Variants in JMJD1C observed in about 807,000 individuals in gnomAD.
The protein encoded by JMJD1C is jumonji domain-containing protein 1C.
A neutral mutation model predicts 245.3 loss-of-function variants in JMJD1C; 31 were observed. The observed-to-expected ratio is 0.13, with a 90% CI of 0.09 to 0.17. The LOEUF (loss-of-function observed/expected upper bound fraction) is 0.17. Ranked by LOEUF, JMJD1C falls within the 10% of genes least tolerant of loss-of-function variation. The pLI is 1.00. For missense variants in JMJD1C, 2,691 were observed against 3,000.2 expected (o/e 0.90, Z 2.41); for synonymous variants, 1,057 against 1,017.4 (o/e 1.04, Z -0.74).
chr10:63,224,545 T>C (rs1186332816), intron 3 of JMJD1C, among the ~76,000 whole-genome samples: 1 of 152,296 alleles, frequency 6.6e-6, no homozygotes, highest in East Asian at 1.9e-4. Context: ...TATTAAAGGT[T>C]AAATGAGCAA....
At chr10:63,443,316 C>T (rs1052308182) in intron 1 of JMJD1C, among the ~76,000 whole-genome samples, 5 of 151,930 alleles carry the variant, frequency 3.3e-5, no homozygotes, top group Admixed American at 2.0e-4. Flanking sequence ...TTTTGTTTTG[C>T]TTTTTCTTCT....
intron 3 of JMJD1C, among the ~76,000 whole-genome samples, chr10:63,244,229 G>A (rs1316095803): frequency 3.3e-5 from 5 of 152,078 alleles, no homozygotes; most frequent in Non-Finnish European, 5.9e-5. Flanking sequence ...ACAGGTACCC[G>A]AGGCACAAAC....
chr10:63,243,103 T>TTATATATATATATATATATATATATATA lies in JMJD1C; in HGVS notation c.447+21547_447+21548insTATATATATATATATATATATATATATA, dbSNP rs10607355. Among the ~76,000 whole-genome samples the TTATATATATATATATATATATATATATA allele has an allele frequency of 3.9e-3, 467 of 119,628 alleles. 2 individuals are homozygous for TTATATATATATATATATATATATATATA. The highest frequency in any genetic ancestry group is 5.8e-3 in the Non-Finnish European group (326 of 55,912). 78.5% of individuals were successfully genotyped at this position (119,628 alleles called of 152,430 possible). On this transcript the variant is annotated intron_variant, in intron 3 of 25. Coordinates refer to ENST00000399262, the MANE Select transcript of JMJD1C (RefSeq NM_032776.3). ...AAGAGCCAAAATACACTAACATAAA[T>TTATATATATATATATATATATATATATA]TATATATATATATATATATATAAAT... is the stretch of plus-strand genomic sequence containing the variant.
At chr10:63,476,158 C>T (rs539422648) in intron 1 of JMJD1C, among the ~76,000 whole-genome samples, 3 of 151,124 alleles carry the variant, frequency 2.0e-5, no homozygotes, top group African/African-American at 4.9e-5. Flanking sequence ...TGCAGTGAGC[C>T]GAGATTGCAC....
intron 1 of JMJD1C, among the ~76,000 whole-genome samples, chr10:63,439,958 T>A (rs918384861): frequency 4.6e-5 from 7 of 152,204 alleles, no homozygotes; most frequent in Non-Finnish European, 1.0e-4. Context: ...GATACAATGA[T>A]GCCTAAGGTG....
intron 3 of JMJD1C, among the ~76,000 whole-genome samples, chr10:63,264,094 G>C (rs1248575524): frequency 6.6e-6 from 1 of 151,332 alleles, no homozygotes; most frequent in African/African-American, 2.4e-5. Flanking sequence ...CTTTTGATGA[G>C]TTTCTTCACA....
At chr10:63,187,486 G>C (rs1844265850) in intron 18 of JMJD1C, among the ~76,000 whole-genome samples, 1 of 152,212 alleles carries the variant, frequency 6.6e-6, no homozygotes, top group African/African-American at 2.4e-5. Context: ...TGCCCAGGCT[G>C]AAGTGCAGTG....
chr10:63,494,051 C>CTG (rs1954267866), intron 1 of JMJD1C, among the ~76,000 whole-genome samples: 1 of 152,188 alleles, frequency 6.6e-6, no homozygotes, highest in Admixed American at 6.5e-5. Context: ...TGGCTCATGC[C>CTG]TATAATCCCA....
At chr10:63,401,108 C>T (rs967464842) in intron 1 of JMJD1C, among the ~76,000 whole-genome samples, 1 of 152,234 alleles carries the variant, frequency 6.6e-6, no homozygotes, top group Admixed American at 6.5e-5. Context: ...ATTCACCCGC[C>T]TCGGCCTCCC....
At chr10:63,512,946 G>C (rs1954914126) in intron 1 of JMJD1C, among the ~76,000 whole-genome samples, 1 of 152,084 alleles carries the variant, frequency 6.6e-6, no homozygotes, top group African/African-American at 2.4e-5. Context: ...CAAGCTCAGA[G>C]ATTTTTAAAA....
At chr10:63,169,606 T>TA (rs1319475476) in intron 24 of JMJD1C, among the ~76,000 whole-genome samples, 1 of 152,172 alleles carries the variant, frequency 6.6e-6, no homozygotes, top group East Asian at 1.9e-4. Context: ...CCTCTGGGCA[T>TA]AATGACCACC....
At chr10:63,387,142 A>G (rs1947670886) in intron 1 of JMJD1C, among the ~76,000 whole-genome samples, 1 of 152,212 alleles carries the variant, frequency 6.6e-6, no homozygotes, top group Admixed American at 6.5e-5. Context: ...TACCCAACCA[A>G]CACCACAGAT....
intron 2 of JMJD1C, among the ~76,000 whole-genome samples, chr10:63,337,096 C>T (rs1353962019): frequency 6.6e-6 from 1 of 151,886 alleles, no homozygotes; most frequent in Admixed American, 6.6e-5. Flanking sequence ...CCACCTTGGC[C>T]TCCCAAAGTG....
At chr10:63,333,335 C>T (rs1056581127) in intron 2 of JMJD1C, among the ~76,000 whole-genome samples, 2 of 151,964 alleles carry the variant, frequency 1.3e-5, no homozygotes, top group Non-Finnish European at 2.9e-5. Context: ...CAAGAGGAGC[C>T]CTTGAACTTA....
chr10:63,326,404 AT>A (rs1941512207), intron 2 of JMJD1C, among the ~76,000 whole-genome samples: 2 of 149,874 alleles, frequency 1.3e-5, no homozygotes, highest in Admixed American at 1.3e-4. Context: ...AAATAAATAA[AT>A]AAATAAATAA....
intron 1 of JMJD1C, among the ~76,000 whole-genome samples, chr10:63,500,145 G>A (rs1954499361): frequency 6.6e-6 from 1 of 152,200 alleles, no homozygotes; most frequent in Admixed American, 6.5e-5. Context: ...TGTAAGGCCA[G>A]GCATGGTCGC....
chr10:63,347,007 C>T (rs1457857086), intron 2 of JMJD1C, among the ~76,000 whole-genome samples: 3 of 151,992 alleles, frequency 2.0e-5, no homozygotes, highest in African/African-American at 7.3e-5. Context: ...AAGTTGGCCC[C>T]TCAGGGATGA....
chr10:63,462,153 G>T (rs2133094399), intron 1 of JMJD1C, among the ~76,000 whole-genome samples: 1 of 152,246 alleles, frequency 6.6e-6, no homozygotes, highest in South Asian at 2.1e-4. Context: ...TGGTCCTCCT[G>T]CATAAAAAAG....
At chr10:63,460,492 C>T (rs1050417436) in intron 1 of JMJD1C, among the ~76,000 whole-genome samples, 2 of 152,160 alleles carry the variant, frequency 1.3e-5, no homozygotes, top group African/African-American at 4.8e-5. Flanking sequence ...GCACTCCAGC[C>T]TGGGTAACAG....
Sources: allele counts gnomAD v4.1 joint callset (sites outside exome capture counted in the v4.1 genomes callset), GRCh38; gene constraint gnomAD v4.1.1; transcripts MANE v1.5; gene names NCBI Gene and HGNC (gene_info 2026-07-23, HGNC 2026-07-21).